The following NDUFAF2 variants were observed in gnomAD, a reference collection of about 807,000 sequenced individuals.
NDUFAF2 encodes NADH dehydrogenase [ubiquinone] 1 alpha subcomplex assembly factor 2.
Under a neutral mutation model 22.8 loss-of-function variants are expected in NDUFAF2, and 13 were observed. The ratio of observed to expected loss-of-function variants is 0.57; its 90% CI spans 0.37 to 0.91. NDUFAF2 has a LOEUF of 0.91. Ranked by LOEUF, NDUFAF2 falls within the 40% of genes least tolerant of loss-of-function variation. The pLI, the probability that NDUFAF2 is intolerant of heterozygous loss-of-function variation, is 0.01. For synonymous variants in NDUFAF2, 53 were observed against 64.2 expected (o/e 0.83, Z 0.84); for missense variants, 162 against 195.2 (o/e 0.83, Z 1.01).
At chr5:61,006,477 A>G (rs187474745) in intron 1 of NDUFAF2, among the ~76,000 whole-genome samples, 37 of 152,252 alleles carry the variant, frequency 2.4e-4, no homozygotes, top group Middle Eastern at 3.4e-3. Flanking sequence ...AATTCTGTAA[A>G]GAAAGTCATT....
At chr5:61,024,395 A>G (rs1398127768) in intron 1 of NDUFAF2, among the ~76,000 whole-genome samples, 1 of 152,100 alleles carries the variant, frequency 6.6e-6, no homozygotes, top group Non-Finnish European at 1.5e-5. Flanking sequence ...AGGACGTTCT[A>G]GGTGATTTTA....
At chr5:60,986,526 CAACCT>C (rs1751080433) in intron 1 of NDUFAF2, among the ~76,000 whole-genome samples, 1 of 151,820 alleles carries the variant, frequency 6.6e-6, no homozygotes, top group African/African-American at 2.4e-5. Context: ...AGAAAGTTCT[CAACCT>C]AATGTCACAA....
intron 2 of NDUFAF2, among the ~76,000 whole-genome samples, chr5:61,090,366 A>G (rs1239181531): frequency 6.6e-6 from 1 of 152,096 alleles, no homozygotes; most frequent in Admixed American, 6.6e-5. Context: ...CTGTGTTCCA[A>G]TCAACCTTAT....
intron 1 of NDUFAF2, among the ~76,000 whole-genome samples, chr5:60,999,280 A>C (rs774783030): frequency 2.6e-5 from 4 of 152,216 alleles, no homozygotes; most frequent in South Asian, 2.1e-4. Flanking sequence ...TCGTAGCTTC[A>C]CTATTTACAA....
intron 3 of NDUFAF2, among the ~76,000 whole-genome samples, chr5:61,110,110 A>G (rs1020793496): frequency 6.6e-6 from 1 of 152,124 alleles, no homozygotes; most frequent in African/African-American, 2.4e-5. Flanking sequence ...TATGATTTGC[A>G]TATGTTGAAC....
chr5:61,148,178 A>G (rs1242502359), intron 3 of NDUFAF2, among the ~76,000 whole-genome samples: 1 of 152,058 alleles, frequency 6.6e-6, no homozygotes, highest in Non-Finnish European at 1.5e-5. Flanking sequence ...ATAAACCACC[A>G]TCCTCTGGTT....
chr5:61,101,844 G>A (rs1022091937), intron 3 of NDUFAF2, among the ~76,000 whole-genome samples: 2 of 152,168 alleles, frequency 1.3e-5, no homozygotes, highest in African/African-American at 4.8e-5. Flanking sequence ...AAATAAATGG[G>A]GAGAAGTATC....
At chr5:61,122,226 T>C (rs1394858875) in intron 3 of NDUFAF2, among the ~76,000 whole-genome samples, 1 of 152,172 alleles carries the variant, frequency 6.6e-6, no homozygotes, top group African/African-American at 2.4e-5. Flanking sequence ...TCCATAATCA[T>C]GAGAGCCAAT....
chr5:61,032,694 T>A (rs1751743946), intron 1 of NDUFAF2, among the ~76,000 whole-genome samples: 1 of 152,134 alleles, frequency 6.6e-6, no homozygotes, highest in Non-Finnish European at 1.5e-5. Flanking sequence ...CTTAGGATTG[T>A]CTTGGTTATA....
chr5:61,058,514 G>A (rs932527915), intron 1 of NDUFAF2, among the ~76,000 whole-genome samples: 1 of 151,874 alleles, frequency 6.6e-6, no homozygotes, highest in African/African-American at 2.4e-5. Context: ...TCCTCTTATT[G>A]TAAAATAGTT....
At chr5:60,948,258 C>T (rs879623878) in intron 1 of NDUFAF2, among the ~76,000 whole-genome samples, 4 of 152,134 alleles carry the variant, frequency 2.6e-5, no homozygotes, top group South Asian at 2.1e-4. Flanking sequence ...CTCGCCCTGT[C>T]GCCCAGGCTG....
At chr5:60,985,280 TTTG>T (rs1561534652) in intron 1 of NDUFAF2, among the ~76,000 whole-genome samples, 1 of 152,208 alleles carries the variant, frequency 6.6e-6, no homozygotes, top group Non-Finnish European at 1.5e-5. Context: ...TTTATTCTTC[TTTG>T]TTTTCTTCTT....
chr5:61,141,085 G>A (rs1318093238), intron 3 of NDUFAF2, among the ~76,000 whole-genome samples: 1 of 152,066 alleles, frequency 6.6e-6, no homozygotes, highest in Non-Finnish European at 1.5e-5. Context: ...AAATTAGCCG[G>A]ACGTGGTGGC....
At chr5:61,151,118 C>T (rs966437190) in intron 3 of NDUFAF2, among the ~76,000 whole-genome samples, 6 of 152,168 alleles carry the variant, frequency 3.9e-5, no homozygotes, top group Non-Finnish European at 7.3e-5. Context: ...TAAGTCTTAA[C>T]ACTAAAACCA....
chr5:61,097,264 C>G (rs757208582), intron 2 of NDUFAF2, among the ~76,000 whole-genome samples: 2 of 150,884 alleles, frequency 1.3e-5, no homozygotes, highest in Non-Finnish European at 3.0e-5. Flanking sequence ...TTGAAAATAT[C>G]ATCATGTAGA....
At chr5:61,078,612 A>G (rs1196496331) in intron 2 of NDUFAF2, among the ~76,000 whole-genome samples, 1 of 152,138 alleles carries the variant, frequency 6.6e-6, no homozygotes, top group Non-Finnish European at 1.5e-5. Flanking sequence ...GTGATGGCAC[A>G]CACTGGTATT....
At chr5:61,140,960 G>A (rs1741044062) in intron 3 of NDUFAF2, among the ~76,000 whole-genome samples, 2 of 152,198 alleles carry the variant, frequency 1.3e-5, no homozygotes, top group Admixed American at 6.5e-5. Context: ...TGGGTGTGGT[G>A]GCTCACGCCT....
intron 1 of NDUFAF2, among the ~76,000 whole-genome samples, chr5:60,998,634 A>G (rs1412944083): frequency 6.6e-6 from 1 of 152,074 alleles, no homozygotes. Context: ...CTTCAGAGTG[A>G]AAAATGCTAT....
rs890973878 is a variant in NDUFAF2 at position 61,099,043 on chromosome 5, A to C, written c.258+11A>C. The C allele has an allele frequency of 6.3e-7, 1 of 1,588,120 alleles. No homozygotes were observed. ...CCACCTACTATGGAGGTAAGACTAC[A>C]CAAGGAGGATATCATTTAGGAGTAT... is the stretch of plus-strand genomic sequence containing the variant. On this transcript the variant is annotated intron_variant, in intron 3 of 3. Transcript: ENST00000296597.
Sources: allele counts gnomAD v4.1 joint callset (sites outside exome capture counted in the v4.1 genomes callset), GRCh38; gene constraint gnomAD v4.1.1; transcripts MANE v1.5; gene names NCBI Gene and HGNC (gene_info 2026-07-23, HGNC 2026-07-21).